FBXO34: variants seen among roughly 807,000 people sequenced by gnomAD.
FBXO34 encodes the protein F-box protein 34.
In FBXO34, 12 loss-of-function variants were observed where a neutral mutation model predicts 24.5. The observed-to-expected ratio is 0.49, with a 90% CI of 0.31 to 0.79. The LOEUF is 0.79. Ranked by LOEUF, FBXO34 falls within the 30% of genes least tolerant of loss-of-function variation. The probability of loss-of-function intolerance (pLI) is 0.04; values close to 1 mark genes in which losing one functional copy is unlikely to be tolerated. For synonymous variants in FBXO34, 320 were observed against 311.9 expected (o/e 1.03, Z -0.27); for missense variants, 823 against 857.7 (o/e 0.96, Z 0.51).
downstream of FBXO34, among the ~76,000 whole-genome samples, chr14:55,373,349 A>G (rs1884858289): frequency 6.6e-6 from 1 of 152,220 alleles, no homozygotes; most frequent in African/African-American, 2.4e-5. Flanking sequence ...TATTTCAAAT[A>G]TGTGGGAGTG....
At chr14:55,381,439 C>A in the FBXO34 span, among the ~76,000 whole-genome samples, 1 of 152,140 alleles carries the variant, frequency 6.6e-6, no homozygotes, top group Non-Finnish European at 1.5e-5. Flanking sequence ...TAAATAACGT[C>A]CTCTTACATA....
the FBXO34 span, among the ~76,000 whole-genome samples, chr14:55,439,617 C>CCCCCGCCCCG: frequency 1.4e-5 from 1 of 72,628 alleles, no homozygotes; most frequent in Non-Finnish European, 3.0e-5. Flanking sequence ...AAAGCAAACC[C>CCCCCGCCCCG]CCCCCCGTCT....
chr14:55,373,449 A>G (rs1884860518), downstream of FBXO34, among the ~76,000 whole-genome samples: 1 of 152,080 alleles, frequency 6.6e-6, no homozygotes, highest in Admixed American at 6.6e-5. Context: ...ATATGACTGT[A>G]CTATTTTTAT....
intron 1 of FBXO34, among the ~76,000 whole-genome samples, chr14:55,284,845 G>C (rs1004612951): frequency 6.7e-6 from 1 of 149,534 alleles, no homozygotes; most frequent in Admixed American, 6.7e-5. Context: ...TGAATTCCTG[G>C]ACTCAAGTGA....
At chr14:55,336,577 A>G (rs977748515) in intron 1 of FBXO34, among the ~76,000 whole-genome samples, 7 of 152,182 alleles carry the variant, frequency 4.6e-5, no homozygotes, top group Admixed American at 1.3e-4. Context: ...ATAATTATGG[A>G]AAAATTTAGC....
chr14:55,365,549 C>A (rs1396260606), downstream of FBXO34, among the ~76,000 whole-genome samples: 2 of 152,082 alleles, frequency 1.3e-5, no homozygotes, highest in Non-Finnish European at 2.9e-5. Context: ...AAATAATCTC[C>A]CCACTACCAA....
At chr14:55,434,014 G>A in the FBXO34 span, among the ~76,000 whole-genome samples, 1 of 152,012 alleles carries the variant, frequency 6.6e-6, no homozygotes, top group East Asian at 1.9e-4. Context: ...TAGTGCTCAG[G>A]GAAAACAAGT....
the FBXO34 span, chr14:55,382,276 C>G: frequency 8.4e-7 from 1 of 1,193,954 alleles, no homozygotes; most frequent in Non-Finnish European, 1.2e-6. Context: ...GCTAGAACAT[C>G]GAAAAGCTGC....
chr14:55,279,948 C>T (rs570595639), intron 1 of FBXO34, among the ~76,000 whole-genome samples: 1 of 152,326 alleles, frequency 6.6e-6, no homozygotes, highest in African/African-American at 2.4e-5. Flanking sequence ...GTCAACCAGT[C>T]ATTAAGTTTT....
intron 1 of FBXO34, among the ~76,000 whole-genome samples, chr14:55,301,273 A>G (rs971899451): frequency 6.6e-6 from 1 of 152,116 alleles, no homozygotes; most frequent in Non-Finnish European, 1.5e-5. Flanking sequence ...CTCCATCTCA[A>G]CAGAAATTCA....
the FBXO34 span, among the ~76,000 whole-genome samples, chr14:55,418,918 T>C: frequency 1.3e-5 from 2 of 152,204 alleles, no homozygotes; most frequent in African/African-American, 4.8e-5. Flanking sequence ...GATTCTATGG[T>C]CACTTGCATT....
chr14:55,299,697 A>C (rs2139704447), intron 1 of FBXO34, among the ~76,000 whole-genome samples: 1 of 152,314 alleles, frequency 6.6e-6, no homozygotes, highest in African/African-American at 2.4e-5. Context: ...AATATTGAAA[A>C]TATTAAAATA....
intron 1 of FBXO34, among the ~76,000 whole-genome samples, chr14:55,317,649 ACAT>A (rs1422298507): frequency 2.0e-5 from 3 of 152,190 alleles, no homozygotes; most frequent in Non-Finnish European, 4.4e-5. Context: ...GTGTTCAGTG[ACAT>A]CATTTAGTAG....
the FBXO34 span, among the ~76,000 whole-genome samples, chr14:55,435,564 G>A: frequency 3.3e-5 from 5 of 152,154 alleles, no homozygotes; most frequent in South Asian, 6.2e-4. Context: ...GTGAGCCACC[G>A]TGCCCAGCCT....
At chr14:55,342,761 G>A (rs1169864308) in intron 1 of FBXO34, among the ~76,000 whole-genome samples, 1 of 152,202 alleles carries the variant, frequency 6.6e-6, no homozygotes, top group East Asian at 1.9e-4. Flanking sequence ...ATGCATCACA[G>A]CTCTGTGTAG....
chr14:55,363,023 C>CTT (rs398057110), downstream of FBXO34, among the ~76,000 whole-genome samples: 64 of 132,360 alleles, frequency 4.8e-4, no homozygotes, highest in African/African-American at 1.2e-3. Flanking sequence ...TTCTCTCTCT[C>CTT]TTTTTTTTTT....
intron 1 of FBXO34, among the ~76,000 whole-genome samples, chr14:55,338,635 G>A (rs764435208): frequency 6.6e-5 from 10 of 152,074 alleles, no homozygotes; most frequent in South Asian, 2.1e-4. Context: ...CAGGCCAGGC[G>A]TGGTGCCTCA....
downstream of FBXO34, among the ~76,000 whole-genome samples, chr14:55,365,938 A>G (rs1422785001): frequency 6.6e-6 from 1 of 152,176 alleles, no homozygotes; most frequent in Non-Finnish European, 1.5e-5. Flanking sequence ...ACCTGGGAGA[A>G]ATTAGTTATA....
At chr14:55,336,573 A>G (rs1883782294) in intron 1 of FBXO34, among the ~76,000 whole-genome samples, 1 of 152,148 alleles carries the variant, frequency 6.6e-6, no homozygotes, top group Admixed American at 6.5e-5. Context: ...ACCAATAATT[A>G]TGGAAAAATT....
Sources: gnomAD v4.1 joint callset for allele counts (sites outside exome capture counted in the v4.1 genomes callset) on GRCh38, gnomAD v4.1.1 for gene constraint, MANE v1.5 for transcripts, NCBI Gene and HGNC (gene_info 2026-07-23, HGNC 2026-07-21) for gene names.